The following PGGT1B variants were observed in gnomAD, a reference collection of about 807,000 sequenced individuals.
The protein encoded by PGGT1B is protein geranylgeranyltransferase type I subunit beta, also known as geranylgeranyl transferase type-1 subunit beta.
PGGT1B carries 30 observed loss-of-function variants against 46.1 expected under a neutral mutation model. The observed-to-expected ratio is 0.65, with a 90% CI of 0.49 to 0.88. PGGT1B has a LOEUF of 0.88. Among genes scored for constraint, PGGT1B ranks in the 40% least tolerant of loss-of-function variants. PGGT1B has a pLI of 0.00. For missense variants in PGGT1B, 376 were observed against 455.9 expected, an observed-to-expected ratio of 0.82 and a Z score of 1.60; for synonymous variants, 170 against 160.0, an observed-to-expected ratio of 1.06 and a Z score of -0.47.
chr5:115,261,070 G>T (rs1421119895), intron 1 of PGGT1B, among the ~76,000 whole-genome samples: 1 of 152,132 alleles, frequency 6.6e-6, no homozygotes, highest in Non-Finnish European at 1.5e-5. Flanking sequence ...CGATAAATAT[G>T]CACATTATGT....
intron 1 of PGGT1B, among the ~76,000 whole-genome samples, chr5:115,258,866 T>C (rs1360046329): frequency 6.6e-6 from 1 of 152,124 alleles, no homozygotes; most frequent in Non-Finnish European, 1.5e-5. Flanking sequence ...AGCATCACAC[T>C]CCTCAGCTAT....
At chr5:115,250,214 G>A (rs1365920411) in intron 2 of PGGT1B, among the ~76,000 whole-genome samples, 1 of 152,000 alleles carries the variant, frequency 6.6e-6, no homozygotes, top group Non-Finnish European at 1.5e-5. Context: ...GATTTTATGT[G>A]GTATCTCAAA....
rs1166246211 is a variant in PGGT1B, at chr5:115,208,823, C to T, written c.*3579G>A. On this transcript the variant is annotated 3_prime_UTR_variant, in exon 9 of 9. Transcript: ENST00000419445. ...TTTCCTACTTTTATTGATAACTGTA[C>T]TAATTAATATAAATTTCCTGTCATA... The T allele has an allele frequency of 6.6e-6, 1 of 151,858 alleles. No homozygotes were observed. 9.4% of individuals were successfully genotyped at this position (151,858 alleles called of 1,614,324 possible).
Position 115,212,539 on chromosome 5 carries a change from C to T in PGGT1B, c.997G>A (p.Glu333Lys). The part of the protein sequence containing the change: ...YFGICGLSLM[E>K]ESGICKVHPA... ...TGAACTTTACAAATTCCACTTTCCT[C>T]CATTAGTGACAGGCCACAGATCCCA... is the stretch of plus-strand genomic sequence containing the variant. Residue 333 changes from glutamate (E) to lysine (K), a missense_variant, in exon 9 of 9, where the codon GAG (glutamate) becomes AAG (lysine). Physicochemically the swap from Glu to Lys is moderately conservative, Grantham distance 56. Coordinates refer to ENST00000419445, the MANE Select transcript of PGGT1B (RefSeq NM_005023.4). 2.5e-6 allele frequency: 4 copies of T among 1,613,306 alleles called. No individual in the cohort carries two copies. Among genetic ancestry groups the T allele is most frequent in the Non-Finnish European group, 3.4e-6 (4 of 1,179,596 alleles).
intron 1 of PGGT1B, among the ~76,000 whole-genome samples, chr5:115,256,006 G>A (rs1166857116): frequency 6.6e-6 from 1 of 152,176 alleles, no homozygotes; most frequent in Non-Finnish European, 1.5e-5. Flanking sequence ...ATCTATGGGT[G>A]TAAGGTGGGG....
At chr5:115,216,633 A>G (rs1475045841) in intron 8 of PGGT1B, among the ~76,000 whole-genome samples, 1 of 152,192 alleles carries the variant, frequency 6.6e-6, no homozygotes, top group Non-Finnish European at 1.5e-5. Context: ...TAAGTAAAAT[A>G]TTTGGGAAAA....
intron 6 of PGGT1B, 143 bp downstream of exon 6, chr5:115,230,833 G>T: frequency 1.6e-6 from 1 of 617,082 alleles, no homozygotes. Context: ...GGTGTCAAAA[G>T]AGAATCAGGA....
At chr5:115,259,715 A>C (rs954818606) in intron 1 of PGGT1B, among the ~76,000 whole-genome samples, 3 of 150,436 alleles carry the variant, frequency 2.0e-5, no homozygotes, top group African/African-American at 7.3e-5. Context: ...AAAAAAGATA[A>C]GGGAGGAAAC....
intron 6 of PGGT1B, among the ~76,000 whole-genome samples, chr5:115,227,332 G>A (rs1756820434): frequency 6.6e-6 from 1 of 152,176 alleles, no homozygotes; most frequent in Non-Finnish European, 1.5e-5. Flanking sequence ...ATGGTCAAAA[G>A]TTAGAGCAAT....
intron 7 of PGGT1B, among the ~76,000 whole-genome samples, chr5:115,220,576 C>A (rs1756557571): frequency 6.6e-6 from 1 of 151,794 alleles, no homozygotes; most frequent in Non-Finnish European, 1.5e-5. Flanking sequence ...TGTATACTTA[C>A]AAATGTTTAA....
intron 7 of PGGT1B, among the ~76,000 whole-genome samples, chr5:115,217,192 T>G (rs1159925791): frequency 1.3e-5 from 2 of 152,144 alleles, no homozygotes; most frequent in East Asian, 3.8e-4. Context: ...ATTTCCTTCT[T>G]CTGAACCAGG....
At chr5:115,230,903 C>A in intron 6 of PGGT1B, 73 bp downstream of exon 6, 2 of 874,238 alleles carry the variant, frequency 2.3e-6, no homozygotes, top group South Asian at 1.5e-5. Context: ...TGAGGTTCTC[C>A]ATACTGAAGA....
intron 8 of PGGT1B, 58 bp from the exon 9 acceptor site, chr5:115,212,641 A>G: frequency 8.3e-7 from 1 of 1,206,060 alleles, no homozygotes; most frequent in Non-Finnish European, 1.2e-6. Context: ...CATTCTACAG[A>G]ATATTTTAGC....
intron 1 of PGGT1B, among the ~76,000 whole-genome samples, chr5:115,256,089 ACT>A (rs1395575423): frequency 5.9e-5 from 9 of 152,186 alleles, no homozygotes; most frequent in Admixed American, 1.3e-4. Flanking sequence ...TTTCAGAAGC[ACT>A]GTTTGAGAAC....
rs768033201 is a variant in PGGT1B at position 115,236,359 on chromosome 5, C to G, written c.612+31G>C. 3.8e-6 allele frequency: 6 copies of G among 1,566,768 alleles called. No homozygotes were observed. In the South Asian group the frequency reaches 6.0e-5, roughly 16 times the overall value. ...GCCCTCATGTACCAGCAAAAACAACCTAAATAGTCAATTTTATCAACAGAA... is the reference window on the plus strand; with the variant it reads ...GCCCTCATGTACCAGCAAAAACAACGTAAATAGTCAATTTTATCAACAGAA... On this transcript the variant is annotated intron_variant, in intron 5 of 8. Transcript: ENST00000419445.
chr5:115,237,729 C>T, intron 4 of PGGT1B, 129 bp downstream of exon 4: 2 of 644,270 alleles, frequency 3.1e-6, no homozygotes, highest in Non-Finnish European at 4.8e-6. Context: ...TAATTATGTA[C>T]CTCGTAAGCT....
At chr5:115,249,141 A>C (rs1747979714) in intron 2 of PGGT1B, among the ~76,000 whole-genome samples, 1 of 150,678 alleles carries the variant, frequency 6.6e-6, no homozygotes, top group Non-Finnish European at 1.5e-5. Flanking sequence ...CTCTGTTCCC[A>C]TCTACTTCCC....
In PGGT1B at chr5:115,216,878, T is replaced by G. The variant is rs1239928450; in HGVS notation, c.939A>C (p.Pro313=). 5.2e-6 allele frequency: 8 copies of G among 1,543,110 alleles called. No homozygotes were observed. Among genetic ancestry groups the G allele is most frequent in the Non-Finnish European group, 7.2e-6 (8 of 1,117,788 alleles). The change falls in exon 8 of 9, where the codon CCA becomes CCC. Residue 313 remains proline (P), a synonymous_variant. Transcript: ENST00000419445. The part of the protein sequence containing the change: ...DRLVGGFAKW[P]DSHPDALHAY... Reference sequence around the variant, plus strand: ...GAAAATAATTACCTGGATGACTGTCTGGCCACTTGGCAAATCCCCCTACAA... The same window carrying G: ...GAAAATAATTACCTGGATGACTGTCGGGCCACTTGGCAAATCCCCCTACAA...
chr5:115,261,402 C>T (rs989296939), intron 1 of PGGT1B, among the ~76,000 whole-genome samples: 1 of 152,196 alleles, frequency 6.6e-6, no homozygotes, highest in African/African-American at 2.4e-5. Context: ...ATTTAAGGTC[C>T]TAGTGCAATG....
Sources: allele counts gnomAD v4.1 joint callset (sites outside exome capture counted in the v4.1 genomes callset), GRCh38; gene constraint gnomAD v4.1.1; transcripts MANE v1.5; gene names NCBI Gene and HGNC (gene_info 2026-07-23, HGNC 2026-07-21).